PRKN: variants seen among roughly 807,000 people sequenced by gnomAD.
PRKN encodes the protein parkin RBR E3 ubiquitin protein ligase.
Under a neutral mutation model 59.5 loss-of-function variants are expected in PRKN, and 56 were observed. That is an observed-to-expected ratio of 0.94 (90% confidence interval 0.76 to 1.18). PRKN has a LOEUF of 1.18. Ranked by LOEUF, PRKN falls within the 50% of genes most tolerant of loss-of-function variation. The pLI, the probability that PRKN is intolerant of heterozygous loss-of-function variation, is 0.00. For missense variants in PRKN, 657 were observed against 596.4 expected, an observed-to-expected ratio of 1.10 and a Z score of -1.06; for synonymous variants, 250 against 222.1, an observed-to-expected ratio of 1.13 and a Z score of -1.12.
At chr6:162,357,237 G>C (rs67940311) in intron 2 of PRKN, among the ~76,000 whole-genome samples, 40,083 of 151,988 alleles carry the variant, frequency 0.26, 5,853 homozygotes, top group African/African-American at 0.37. Context: ...TGATAAAGGA[G>C]TAGTATCCAA....
At chr6:162,213,804 TACAC>T (rs58192789) in intron 3 of PRKN, among the ~76,000 whole-genome samples, 22,346 of 125,644 alleles carry the variant, frequency 0.18, 2,129 homozygotes, top group Non-Finnish European at 0.23. Context: ...AAAAAAACCA[TACAC>T]ACACACACAC....
intron 1 of PRKN, among the ~76,000 whole-genome samples, chr6:162,623,330 T>TA (rs1219658204): frequency 2.0e-5 from 3 of 152,212 alleles, no homozygotes; most frequent in Non-Finnish European, 4.4e-5. Flanking sequence ...TGACACTTTT[T>TA]AAAGGATTTC....
At position 161,548,354 on chromosome 6, in the gene PRKN, AGTTTT is replaced by A. The variant is rs1779868805; in HGVS notation, c.1083+495_1083+499del. Among the ~76,000 whole-genome samples, 1 of 152,186 alleles carries A rather than the reference AGTTTT, an allele frequency of 6.6e-6. No individual in the cohort carries two copies. Among genetic ancestry groups the A allele is most frequent in the Non-Finnish European group, 1.5e-5 (1 of 68,040 alleles). On this transcript the variant is annotated intron_variant, in intron 9 of 11. Transcript: ENST00000366898. The surrounding 1 kb of genome is among the most constrained non-coding windows in gnomAD (Gnocchi z 4.2). ...TTCTGCTTCCATAAGAGACACCATT[AGTTTT>A]GTTCATCTCTACTTAAAATGATTTT...
At chr6:161,436,723 GC>G (rs1279078375) in intron 9 of PRKN, among the ~76,000 whole-genome samples, 1 of 151,982 alleles carries the variant, frequency 6.6e-6, no homozygotes, top group African/African-American at 2.4e-5. Context: ...CTACTTGCAG[GC>G]ATGTCTATAC....
chr6:161,857,711 T>C (rs76105484), intron 6 of PRKN, among the ~76,000 whole-genome samples: 2 of 152,330 alleles, frequency 1.3e-5, no homozygotes, highest in Non-Finnish European at 2.9e-5. Flanking sequence ...AACATTGGTG[T>C]GTTACTAATA....
intron 3 of PRKN, among the ~76,000 whole-genome samples, chr6:162,244,591 G>A (rs534859724): frequency 6.6e-6 from 1 of 152,124 alleles, no homozygotes; most frequent in Admixed American, 6.5e-5. Flanking sequence ...CACGCCAAAT[G>A]AACAGGCCAT....
intron 2 of PRKN, among the ~76,000 whole-genome samples, chr6:162,421,014 T>C (rs754670315): frequency 1.3e-4 from 20 of 152,168 alleles, no homozygotes; most frequent in Admixed American, 5.2e-4. Context: ...GAAGCTAGCA[T>C]TGAACTCACA....
chr6:161,651,419 G>T (rs745781944), intron 7 of PRKN, among the ~76,000 whole-genome samples: 6 of 152,200 alleles, frequency 3.9e-5, no homozygotes, highest in Non-Finnish European at 5.9e-5. Flanking sequence ...CCCTGAGGGT[G>T]GGAGCAGAGG....
intron 9 of PRKN, among the ~76,000 whole-genome samples, chr6:161,486,220 C>A (rs2115257465): frequency 6.7e-6 from 1 of 150,078 alleles, no homozygotes; most frequent in East Asian, 2.0e-4. Flanking sequence ...CACTGATATA[C>A]CCAGATAAGT....
intron 7 of PRKN, among the ~76,000 whole-genome samples, chr6:161,627,277 T>C (rs1783124019): frequency 6.6e-6 from 1 of 152,218 alleles, no homozygotes; most frequent in Admixed American, 6.5e-5. Context: ...ACTTTTTTGA[T>C]AAATAATTCA....
chr6:162,477,924 C>T (rs556726516), intron 1 of PRKN, among the ~76,000 whole-genome samples: 3 of 152,286 alleles, frequency 2.0e-5, no homozygotes, highest in South Asian at 2.1e-4. Flanking sequence ...TGTTTGTCAG[C>T]CTCATCCTGT....
intron 9 of PRKN, among the ~76,000 whole-genome samples, chr6:161,403,765 A>G (rs1787149260): frequency 6.6e-6 from 1 of 152,092 alleles, no homozygotes; most frequent in Admixed American, 6.5e-5. Flanking sequence ...AGTCTTTCAG[A>G]GGTTATTAGG....
intron 2 of PRKN, among the ~76,000 whole-genome samples, chr6:162,333,229 T>A: frequency 1.1e-5 from 1 of 87,480 alleles, no homozygotes; most frequent in East Asian, 9.3e-4. Context: ...CATTAAAATC[T>A]TTTTTTTTTT....
intron 1 of PRKN, among the ~76,000 whole-genome samples, chr6:162,714,642 T>C (rs745830733): frequency 6.6e-6 from 1 of 152,216 alleles, no homozygotes; most frequent in Non-Finnish European, 1.5e-5. Flanking sequence ...GTAATGTGAT[T>C]ACGAACCTTT....
chr6:162,718,881 A>G (rs1778826391), intron 1 of PRKN, among the ~76,000 whole-genome samples: 1 of 152,224 alleles, frequency 6.6e-6, no homozygotes. Context: ...TGAAATCAAG[A>G]TGATATAAAA....
chr6:162,244,623 T>A (rs1379894912), intron 3 of PRKN, among the ~76,000 whole-genome samples: 2 of 151,934 alleles, frequency 1.3e-5, no homozygotes, highest in Admixed American at 1.3e-4. Flanking sequence ...ATCTCTTTAT[T>A]TGGGAAACCA....
chr6:161,915,732 T>C (rs1778530983), intron 6 of PRKN, among the ~76,000 whole-genome samples: 1 of 152,234 alleles, frequency 6.6e-6, no homozygotes, highest in Non-Finnish European at 1.5e-5. Context: ...TATGACAGTT[T>C]AACTTAGCAT....
intron 6 of PRKN, among the ~76,000 whole-genome samples, chr6:161,961,865 A>C (rs1007940461): frequency 2.6e-5 from 4 of 152,166 alleles, no homozygotes; most frequent in African/African-American, 9.7e-5. Flanking sequence ...GTTGCCTGTG[A>C]TACTGATATA....
At chr6:161,641,792 T>C (rs908931649) in intron 7 of PRKN, among the ~76,000 whole-genome samples, 5 of 152,240 alleles carry the variant, frequency 3.3e-5, no homozygotes, top group Non-Finnish European at 7.3e-5. Context: ...CAAAGTGCCC[T>C]GTGGCGCTTA....
Sources: allele counts gnomAD v4.1 joint callset (sites outside exome capture counted in the v4.1 genomes callset), GRCh38; gene constraint gnomAD v4.1.1; non-coding constraint Gnocchi (gnomAD v3.1); transcripts MANE v1.5; gene names NCBI Gene and HGNC (gene_info 2026-07-23, HGNC 2026-07-21).